The following LUC7L2 variants were observed in gnomAD, a reference collection of about 807,000 sequenced individuals.
LUC7L2 encodes the protein putative RNA-binding protein Luc7-like 2.
A neutral mutation model predicts 52.8 loss-of-function variants in LUC7L2; 25 were observed. The ratio of observed to expected loss-of-function variants is 0.47; its 90% CI spans 0.34 to 0.66. The LOEUF is 0.66. LUC7L2 is among the 30% of genes least tolerant of loss of function. The pLI, the probability that LUC7L2 is intolerant of heterozygous loss-of-function variation, is 0.01. For synonymous variants in LUC7L2, 144 were observed against 160.9 expected (o/e 0.89, Z 0.80); for missense variants, 328 against 497.8 (o/e 0.66, Z 3.25).
intron 8 of LUC7L2, among the ~76,000 whole-genome samples, chr7:139,412,979 G>A (rs973641936): frequency 1.3e-5 from 2 of 152,032 alleles, no homozygotes; most frequent in African/African-American, 4.8e-5. Context: ...AACATTAGTA[G>A]GTTAATAGTT....
At chr7:139,417,424 A>C in intron 8 of LUC7L2, 114 bp from the exon 9 acceptor site, 1 of 1,317,048 alleles carries the variant, frequency 7.6e-7, no homozygotes, top group Non-Finnish European at 1.0e-6. Flanking sequence ...CTGACTTGGA[A>C]TATAATTGAC....
chr7:139,409,730 T>C lies in LUC7L2; in HGVS notation c.779+76T>C, dbSNP rs921360150. On this transcript the variant is annotated intron_variant, in intron 7 of 9. Transcript: ENST00000354926. ...AAGAGATATAATTGATTTTAAATTT[T>C]AGATGGTGATAAATCTGTTATGGGA... The C allele has an allele frequency of 4.8e-6, 7 of 1,457,848 alleles. No homozygotes were observed. In the African/African-American group the frequency reaches 1.0e-4, roughly 21 times the overall value. 90.3% of individuals were successfully genotyped at this position (1,457,848 alleles called of 1,614,324 possible).
intron 5 of LUC7L2, 102 bp from the exon 6 acceptor site, chr7:139,407,072 A>AT: frequency 9.9e-6 from 10 of 1,010,620 alleles, no homozygotes; most frequent in Non-Finnish European, 1.1e-5. Flanking sequence ...ACTTTTGTGT[A>AT]TTTTTTAGAA....
At chr7:139,393,383 T>C (rs1794529011) in intron 2 of LUC7L2, among the ~76,000 whole-genome samples, 1 of 152,008 alleles carries the variant, frequency 6.6e-6, no homozygotes, top group African/African-American at 2.4e-5. Flanking sequence ...TGAGCTGAGA[T>C]CATGCCATTG....
chr7:139,406,580 C>G (rs1418598946), intron 5 of LUC7L2, among the ~76,000 whole-genome samples: 1 of 152,124 alleles, frequency 6.6e-6, no homozygotes, highest in African/African-American at 2.4e-5. Flanking sequence ...TCTTGAACTC[C>G]TGACCTGGGG....
intron 1 of LUC7L2, among the ~76,000 whole-genome samples, chr7:139,363,003 C>G (rs938048983): frequency 2.0e-5 from 3 of 152,022 alleles, no homozygotes; most frequent in African/African-American, 7.3e-5. Context: ...CTGGGCACTT[C>G]AAGAAAGGAC....
At chr7:139,348,986 C>T (rs1030194277) in intron 1 of LUC7L2, among the ~76,000 whole-genome samples, 4 of 151,298 alleles carry the variant, frequency 2.6e-5, no homozygotes, top group African/African-American at 9.8e-5. Context: ...CATAGTGAAA[C>T]CCCGTTTGTA....
intron 2 of LUC7L2, among the ~76,000 whole-genome samples, chr7:139,378,017 C>T (rs1370494978): frequency 6.6e-6 from 1 of 150,954 alleles, no homozygotes; most frequent in Non-Finnish European, 1.5e-5. Context: ...TAGGTCTCAC[C>T]ATGTTACCCA....
intron 1 of LUC7L2, among the ~76,000 whole-genome samples, chr7:139,361,544 T>C (rs1438730110): frequency 1.3e-5 from 2 of 152,238 alleles, no homozygotes; most frequent in African/African-American, 4.8e-5. Context: ...AAAACCCATA[T>C]TGGGAACTTT....
At chr7:139,354,024 G>A (rs925925751) in intron 1 of LUC7L2, among the ~76,000 whole-genome samples, 2 of 151,614 alleles carry the variant, frequency 1.3e-5, no homozygotes, top group Non-Finnish European at 1.5e-5. Flanking sequence ...GCTGAGGCAG[G>A]AGAATTACTT....
intron 1 of LUC7L2, among the ~76,000 whole-genome samples, chr7:139,343,600 C>T (rs909436580): frequency 6.6e-6 from 1 of 152,098 alleles, no homozygotes; most frequent in Admixed American, 6.6e-5. Context: ...AAGCCACACA[C>T]ATTCTAGTTT....
Position 139,398,879 on chromosome 7 carries a change from T to C in LUC7L2, c.255+182T>C, listed in dbSNP as rs536506650. 5.5e-4 allele frequency among the ~76,000 whole-genome samples: 84 copies of C among 152,132 alleles called. 1 individual carries two copies. The highest frequency in any genetic ancestry group is 1.8e-3 in the African/African-American group (75 of 41,574). ...CTTTTAAAAATATGAGGTGAGACTG[T>C]ATTTTAAGAAAATGTGTAACAGTCG... is the stretch of plus-strand genomic sequence containing the variant. On this transcript the variant is annotated intron_variant, in intron 3 of 9. Coordinates refer to ENST00000354926, the MANE Select transcript of LUC7L2 (RefSeq NM_016019.5).
chr7:139,375,114 A>T, intron 1 of LUC7L2: 1 of 984,200 alleles, frequency 1.0e-6, no homozygotes, highest in Non-Finnish European at 1.2e-6. Context: ...GAAACATCCT[A>T]ATGAGTTTTT....
intron 4 of LUC7L2, among the ~76,000 whole-genome samples, chr7:139,403,236 A>T (rs1794993311): frequency 6.6e-6 from 1 of 152,210 alleles, no homozygotes; most frequent in Non-Finnish European, 1.5e-5. Flanking sequence ...AGTTAACAGT[A>T]ATTTTTTAAT....
intron 1 of LUC7L2, among the ~76,000 whole-genome samples, chr7:139,368,202 T>G (rs920658771): frequency 6.6e-6 from 1 of 152,180 alleles, no homozygotes; most frequent in African/African-American, 2.4e-5. Context: ...CAGAGTTGCT[T>G]TAGTTATATC....
intron 1 of LUC7L2, 41 bp from the exon 2 acceptor site, chr7:139,376,021 G>A (rs1418530454): frequency 1.2e-6 from 2 of 1,606,328 alleles, no homozygotes; most frequent in Non-Finnish European, 1.7e-6. Context: ...ATACTTTCCA[G>A]TTGTCTAACC....
intron 2 of LUC7L2, among the ~76,000 whole-genome samples, chr7:139,378,692 C>T (rs1800839671): frequency 6.6e-6 from 1 of 152,200 alleles, no homozygotes; most frequent in Admixed American, 6.5e-5. Flanking sequence ...CACACTCTGT[C>T]CCAAAAAGCA....
At chr7:139,355,752 A>G (rs1563252774), upstream of LUC7L2, among the ~76,000 whole-genome samples, 1 of 152,242 alleles carries the variant, frequency 6.6e-6, no homozygotes, top group Non-Finnish European at 1.5e-5. Context: ...GGATACAGTG[A>G]AAACTATCTA....
At chr7:139,354,000 C>T (rs978824798) in intron 1 of LUC7L2, among the ~76,000 whole-genome samples, 1 of 151,620 alleles carries the variant, frequency 6.6e-6, no homozygotes, top group Non-Finnish European at 1.5e-5. Context: ...CTTGTAATCC[C>T]AGCTACTCAG....
Sources: gnomAD v4.1 joint callset for allele counts (sites outside exome capture counted in the v4.1 genomes callset) on GRCh38, gnomAD v4.1.1 for gene constraint, MANE v1.5 for transcripts, NCBI Gene and HGNC (gene_info 2026-07-23, HGNC 2026-07-21) for gene names.